The following AGMO variants were observed in gnomAD, a reference collection of about 807,000 sequenced individuals.
AGMO encodes the protein glyceryl-ether monooxygenase.
A neutral mutation model predicts 60.2 loss-of-function variants in AGMO; 75 were observed. The ratio of observed to expected loss-of-function variants is 1.25; its 90% CI spans 1.03 to 1.51. AGMO has a LOEUF of 1.51. Ranked by LOEUF, AGMO falls within the 40% of genes most tolerant of loss-of-function variation. AGMO has a pLI of 0.00. For missense variants in AGMO, 763 were observed against 525.5 expected (o/e 1.45, Z -4.42); for synonymous variants, 261 against 177.1 (o/e 1.47, Z -3.76).
At chr7:15,491,668 T>TA (rs1351988563) in intron 3 of AGMO, among the ~76,000 whole-genome samples, 2 of 152,198 alleles carry the variant, frequency 1.3e-5, no homozygotes, top group African/African-American at 4.8e-5. Flanking sequence ...TATCATGTGA[T>TA]ACACTGTGAG....
chr7:15,280,473 G>C (rs1159391144), intron 12 of AGMO, among the ~76,000 whole-genome samples: 1 of 152,172 alleles, frequency 6.6e-6, no homozygotes. Context: ...GTGCAGGCCT[G>C]CCTGACCCAG....
chr7:15,503,420 T>C (rs918581948), intron 3 of AGMO, among the ~76,000 whole-genome samples: 2 of 152,104 alleles, frequency 1.3e-5, no homozygotes, highest in South Asian at 4.1e-4. Context: ...TAGGCTTGCT[T>C]ATTTTTATTT....
At chr7:15,229,930 A>C (rs1042764429) in intron 12 of AGMO, among the ~76,000 whole-genome samples, 1 of 151,590 alleles carries the variant, frequency 6.6e-6, no homozygotes. Flanking sequence ...TGTGCCTCCG[A>C]TTGTCATCTT....
chr7:15,159,900 C>T, the AGMO span, among the ~76,000 whole-genome samples: 1 of 152,158 alleles, frequency 6.6e-6, no homozygotes, highest in African/African-American at 2.4e-5. Context: ...ATTATTCCTC[C>T]AGAATTCTCA....
chr7:15,325,890 C>T (rs1781324569), intron 12 of AGMO, among the ~76,000 whole-genome samples: 1 of 151,796 alleles, frequency 6.6e-6, no homozygotes, highest in African/African-American at 2.4e-5. Flanking sequence ...TGTTTCTGTC[C>T]CCTTTAATGA....
chr7:15,540,683 A>C (rs935858982), intron 3 of AGMO, among the ~76,000 whole-genome samples: 1 of 152,204 alleles, frequency 6.6e-6, no homozygotes, highest in African/African-American at 2.4e-5. Context: ...ACACTGATAC[A>C]GTTAAAAACT....
At chr7:15,447,816 G>A (rs1003991597) in intron 3 of AGMO, among the ~76,000 whole-genome samples, 34 of 152,028 alleles carry the variant, frequency 2.2e-4, no homozygotes, top group African/African-American at 8.0e-4. Flanking sequence ...GCCTCCCAAA[G>A]CACTGGAGTA....
intron 12 of AGMO, among the ~76,000 whole-genome samples, chr7:15,213,530 C>G (rs1415406407): frequency 6.6e-6 from 1 of 151,798 alleles, no homozygotes; most frequent in African/African-American, 2.4e-5. Flanking sequence ...GTTCTTGTCC[C>G]AGTTTTTTGC....
the AGMO span, among the ~76,000 whole-genome samples, chr7:15,121,230 A>G: frequency 6.6e-6 from 1 of 152,128 alleles, no homozygotes; most frequent in Non-Finnish European, 1.5e-5. Context: ...ATTGATGGGC[A>G]TTTGGGTTGG....
chr7:15,500,500 A>C (rs1487439892), intron 3 of AGMO, among the ~76,000 whole-genome samples: 2 of 151,414 alleles, frequency 1.3e-5, no homozygotes, highest in Non-Finnish European at 3.0e-5. Context: ...GCTGTATATG[A>C]GTGTGTGTGT....
chr7:15,469,800 G>A (rs1782397951), intron 3 of AGMO, among the ~76,000 whole-genome samples: 1 of 152,088 alleles, frequency 6.6e-6, no homozygotes, highest in South Asian at 2.1e-4. Context: ...TAATTTTGAA[G>A]GGGCTAGGAG....
intron 3 of AGMO, among the ~76,000 whole-genome samples, chr7:15,472,034 C>A (rs961286567): frequency 6.6e-6 from 1 of 151,704 alleles, no homozygotes; most frequent in East Asian, 1.9e-4. Context: ...AGTGATACAG[C>A]CATTCAAAAT....
chr7:15,460,069 G>A (rs1480056940), intron 3 of AGMO, among the ~76,000 whole-genome samples: 1 of 150,526 alleles, frequency 6.6e-6, no homozygotes, highest in Non-Finnish European at 1.5e-5. Flanking sequence ...CACAAAAGAT[G>A]CACAAAGTTT....
At chr7:15,480,251 G>A (rs982159983) in intron 3 of AGMO, among the ~76,000 whole-genome samples, 5 of 152,144 alleles carry the variant, frequency 3.3e-5, no homozygotes, top group African/African-American at 4.8e-5. Flanking sequence ...CTTCAGTTAC[G>A]TGGAAGAAAC....
chr7:15,351,914 T>C (rs1267296351), intron 12 of AGMO, among the ~76,000 whole-genome samples: 3 of 152,336 alleles, frequency 2.0e-5, no homozygotes, highest in South Asian at 2.1e-4. Flanking sequence ...ATATTTATTG[T>C]TACACAGTAA....
chr7:15,318,005 C>CAT (rs1229139659), intron 12 of AGMO, among the ~76,000 whole-genome samples: 1 of 128,556 alleles, frequency 7.8e-6, no homozygotes, highest in African/African-American at 2.7e-5. Flanking sequence ...TATATATATA[C>CAT]ATATATTTTT....
At chr7:15,289,362 C>T (rs768327943) in intron 12 of AGMO, among the ~76,000 whole-genome samples, 5 of 151,298 alleles carry the variant, frequency 3.3e-5, no homozygotes, top group Admixed American at 6.6e-5. Flanking sequence ...TATAAGATTC[C>T]GAGTTTGTTT....
chr7:15,187,903 C>CG, the AGMO span, among the ~76,000 whole-genome samples: 1 of 151,386 alleles, frequency 6.6e-6, no homozygotes, highest in Non-Finnish European at 1.5e-5. Flanking sequence ...ATTAACTCCC[C>CG]CCCGACTGCC....
intron 3 of AGMO, among the ~76,000 whole-genome samples, chr7:15,493,528 C>T (rs1200382844): frequency 6.6e-6 from 1 of 151,380 alleles, no homozygotes; most frequent in East Asian, 1.9e-4. Context: ...CGCCCGCCAC[C>T]ACACCCGGCT....
Sources: allele counts gnomAD v4.1 joint callset (sites outside exome capture counted in the v4.1 genomes callset), GRCh38; gene constraint gnomAD v4.1.1; transcripts MANE v1.5; gene names NCBI Gene and HGNC (gene_info 2026-07-23, HGNC 2026-07-21).